Variants in ZNF516 observed in about 807,000 individuals in gnomAD.
The protein encoded by ZNF516 is zinc finger protein 516.
Under a neutral mutation model 79.7 loss-of-function variants are expected in ZNF516, and 19 were observed. That is an observed-to-expected ratio of 0.24 (90% CI 0.17 to 0.35). The LOEUF (loss-of-function observed/expected upper bound fraction) is 0.35, where lower values mean the gene tolerates loss of function less well. Among genes scored for constraint, ZNF516 ranks in the 10% least tolerant of loss-of-function variants. The pLI is 1.00. For synonymous variants in ZNF516, 877 were observed against 739.5 expected, an observed-to-expected ratio of 1.19 and a Z score of -3.02; for missense variants, 1,678 against 1,679.5, an observed-to-expected ratio of 1.00 and a Z score of 0.02.
At chr18:76,405,073 G>C (rs1443929658) in intron 3 of ZNF516, among the ~76,000 whole-genome samples, 1 of 152,168 alleles carries the variant, frequency 6.6e-6, no homozygotes, top group East Asian at 1.9e-4. Flanking sequence ...CACAAGCTAG[G>C]CAGATACTCG....
intron 3 of ZNF516, among the ~76,000 whole-genome samples, chr18:76,424,241 C>T (rs2075556602): frequency 6.1e-5 from 1 of 16,340 alleles, no homozygotes; most frequent in African/African-American, 2.4e-4. Context: ...CCGAAACACA[C>T]GCACGTGAAA....
intron 1 of ZNF516, among the ~76,000 whole-genome samples, chr18:76,486,277 TAA>T (rs1568331823): frequency 1.3e-5 from 2 of 152,208 alleles, no homozygotes; most frequent in African/African-American, 4.8e-5. Flanking sequence ...AATGCTAAAA[TAA>T]ATCAATGCCC....
chr18:76,387,241 G>A (rs1232277405), intron 3 of ZNF516: 1 of 152,298 alleles, frequency 6.6e-6, no homozygotes, highest in Non-Finnish European at 1.5e-5. Context: ...AGAACAGGAA[G>A]AATCTTTGAA....
chr18:76,437,592 G>A (rs1276211338), intron 3 of ZNF516, among the ~76,000 whole-genome samples: 1 of 152,050 alleles, frequency 6.6e-6, no homozygotes, highest in Non-Finnish European at 1.5e-5. Flanking sequence ...GTCCTTTGTG[G>A]GACAGGGGTG....
chr18:76,422,136 G>T (rs901074235), intron 3 of ZNF516, among the ~76,000 whole-genome samples: 10 of 152,208 alleles, frequency 6.6e-5, no homozygotes, highest in African/African-American at 2.2e-4. Flanking sequence ...TGGTAGAGTT[G>T]CCTAGAATTC....
chr18:76,382,440 A>C (rs1355958683), intron 3 of ZNF516, among the ~76,000 whole-genome samples: 1 of 152,128 alleles, frequency 6.6e-6, no homozygotes, highest in Non-Finnish European at 1.5e-5. Context: ...ACACATGTCC[A>C]AGACTACTAG....
intron 1 of ZNF516, among the ~76,000 whole-genome samples, chr18:76,479,420 G>A (rs1451087033): frequency 6.6e-6 from 1 of 152,166 alleles, no homozygotes; most frequent in East Asian, 1.9e-4. Flanking sequence ...CTGCAATTCT[G>A]CCTGCTCTGT....
chr18:76,486,506 A>G (rs958030021), intron 1 of ZNF516, among the ~76,000 whole-genome samples: 1 of 152,198 alleles, frequency 6.6e-6, no homozygotes, highest in African/African-American at 2.4e-5. Flanking sequence ...GTTTTAATAG[A>G]GAACCTTGAT....
chr18:76,485,706 T>C (rs987189585), intron 1 of ZNF516, among the ~76,000 whole-genome samples: 2 of 152,110 alleles, frequency 1.3e-5, no homozygotes, highest in African/African-American at 4.8e-5. Flanking sequence ...CCCTGTGAAT[T>C]CAACACAGGT....
chr18:76,370,159 A>G (rs2074679006), intron 6 of ZNF516, among the ~76,000 whole-genome samples: 1 of 152,208 alleles, frequency 6.6e-6, no homozygotes, highest in African/African-American at 2.4e-5. Context: ...ATAACACAAA[A>G]ATAATGTTCT....
chr18:76,477,502 G>C (rs557672768), intron 1 of ZNF516, among the ~76,000 whole-genome samples: 3 of 152,188 alleles, frequency 2.0e-5, no homozygotes, highest in Admixed American at 6.5e-5. Context: ...GCAGTCTTGA[G>C]ACACATGGGA....
At chr18:76,374,586 C>G (rs17267851) in intron 4 of ZNF516, among the ~76,000 whole-genome samples, 1,991 of 152,292 alleles carry the variant, frequency 0.013, 27 homozygotes, top group Non-Finnish European at 0.022. Flanking sequence ...TAGAAGCATC[C>G]TCCAATAGCA....
chr18:76,379,062 C>T lies in ZNF516; in HGVS notation c.3052G>A (p.Ala1018Thr), dbSNP rs757587477. Residue 1018 changes from alanine (A) to threonine (T), a missense_variant, in exon 4 of 7, where the codon GCG becomes ACG. Transcript: ENST00000443185. ...AAGGCCGCGTCGCCCCTGGACCCCG[C>T]AGCACAGGTGGCCAGAGTCCTCAGC... ...QELRTLATCA[A>T]GSRGDAALQA... The T allele has an allele frequency of 5.0e-6, 8 of 1,610,562 alleles. No individual in the cohort carries two copies. In the African/African-American group the frequency reaches 6.7e-5, roughly 13 times the overall value.
At chr18:76,496,237 A>C, upstream of ZNF516, 1 of 1,254,946 alleles carries the variant, frequency 8.0e-7, no homozygotes, top group African/African-American at 1.5e-5. Flanking sequence ...AGACCCGGGG[A>C]GCTGCGGCCT....
At chr18:76,372,405 G>C (rs1414751379) in intron 4 of ZNF516, among the ~76,000 whole-genome samples, 2 of 152,128 alleles carry the variant, frequency 1.3e-5, no homozygotes, top group Non-Finnish European at 2.9e-5. Flanking sequence ...ACTGTTATGC[G>C]CAATAGTAAC....
At chr18:76,370,008 G>A (rs145336709) in intron 6 of ZNF516, among the ~76,000 whole-genome samples, 4 of 152,328 alleles carry the variant, frequency 2.6e-5, no homozygotes, top group East Asian at 1.9e-4. Flanking sequence ...CACAGGTCAC[G>A]CCTGGATGGT....
chr18:76,413,394 C>T (rs1349292040), intron 3 of ZNF516, among the ~76,000 whole-genome samples: 1 of 152,194 alleles, frequency 6.6e-6, no homozygotes, highest in Non-Finnish European at 1.5e-5. Flanking sequence ...TTCATCTTGC[C>T]TAGCAGCACC....
In ZNF516 at chr18:76,362,468, G is replaced by A. The variant is rs778554426; in HGVS notation, c.*30C>T. On this transcript the variant is annotated 3_prime_UTR_variant, in exon 7 of 7. Transcript: ENST00000443185. ...TGAGGGTACTGCTAATGGCCGTTAC[G>A]GGGACCTGGGGTGCGTCGGAAACAC... is the stretch of plus-strand genomic sequence containing the variant. 3.9e-5 allele frequency: 62 copies of A among 1,609,494 alleles called. No individual in the cohort carries two copies. The Admixed American group carries it at 4.7e-4, about 12-fold the overall frequency.
chr18:76,455,926 T>C lies in ZNF516; in HGVS notation c.-158+7102A>G, dbSNP rs1461883097. 3.3e-5 allele frequency among the ~76,000 whole-genome samples: 5 copies of C among 152,302 alleles called. No homozygotes were observed. The South Asian group carries it at 6.2e-4, about 19-fold the overall frequency. ...ATTATCTAAATGAGCTGCTATTCCATTATTCTTTAATAAACACAATTGACA... is the reference window on the plus strand; with the variant it reads ...ATTATCTAAATGAGCTGCTATTCCACTATTCTTTAATAAACACAATTGACA... On this transcript the variant is annotated intron_variant, in intron 2 of 6. Coordinates refer to ENST00000443185, the MANE Select transcript of ZNF516 (RefSeq NM_014643.4).
Sources: allele counts gnomAD v4.1 joint callset (sites outside exome capture counted in the v4.1 genomes callset), GRCh38; gene constraint gnomAD v4.1.1; transcripts MANE v1.5; gene names NCBI Gene and HGNC (gene_info 2026-07-23, HGNC 2026-07-21).